Variants in POLD4 observed in about 807,000 individuals in gnomAD.
POLD4 encodes the protein DNA polymerase delta subunit 4.
Under a neutral mutation model 16.5 loss-of-function variants are expected in POLD4, and 9 were observed. The ratio of observed to expected loss-of-function variants is 0.55; its 90% CI spans 0.33 to 0.95. The LOEUF (loss-of-function observed/expected upper bound fraction) is 0.95, where lower values mean the gene tolerates loss of function less well. POLD4 is among the 40% of genes least tolerant of loss of function. POLD4 has a pLI of 0.03. For missense variants in POLD4, 129 were observed against 139.7 expected, an observed-to-expected ratio of 0.92 and a Z score of 0.39; for synonymous variants, 62 against 57.6, an observed-to-expected ratio of 1.08 and a Z score of -0.35.
chr11:67,352,900 C>T, intron 2 of POLD4, 88 bp downstream of exon 2: 2 of 1,383,516 alleles, frequency 1.4e-6, no homozygotes, highest in Non-Finnish European at 2.0e-6. Flanking sequence ...TCCTGAGGGT[C>T]AGAGTCACGC....
In POLD4 at chr11:67,353,535, A is replaced by G. The variant is rs1404119907; in HGVS notation, c.-136T>C. 1.1e-5 allele frequency: 8 copies of G among 706,554 alleles called. No individual in the cohort carries two copies. The highest frequency in any genetic ancestry group is 1.8e-5 in the Non-Finnish European group (8 of 436,890). The allele number at this position is 706,554 out of a possible 1,614,324, so 43.8% of individuals were successfully genotyped here. ...GGCGGGCAGACAAGATGACCCAGAC[A>G]AACCGAGAGAGGAAGTCGCCGGGGT... On this transcript the variant is annotated 5_prime_UTR_variant, in exon 1 of 4. Transcript: ENST00000312419.
In POLD4 at chr11:67,353,131, A is replaced by G. The variant is rs1590906452; in HGVS notation, c.98-54T>C. The G allele has an allele frequency of 4.6e-6, 7 of 1,528,126 alleles. No homozygotes were observed. In the South Asian group the frequency reaches 8.2e-5, roughly 18 times the overall value. The allele number at this position is 1,528,126 out of a possible 1,614,324, so 94.7% of individuals were successfully genotyped here. On this transcript the variant is annotated intron_variant, in intron 1 of 3. Transcript: ENST00000312419. ...GGTTGGCTTCAGTCTCCTGCCCCTC[A>G]CCTCCCAGCCTTCCTCACCACCGCT...
At position 67,351,871 on chromosome 11, in the gene POLD4, C is replaced by T; in HGVS notation, c.*124G>A. 1 of 1,064,592 alleles carries T rather than the reference C, an allele frequency of 9.4e-7. No homozygotes were observed. Among genetic ancestry groups the T allele is most frequent in the Non-Finnish European group, 1.4e-6 (1 of 718,020 alleles). 65.9% of individuals were successfully genotyped at this position (1,064,592 alleles called of 1,614,324 possible). A position where few individuals can be genotyped will look rare whatever the true frequency, so the allele number is the denominator to read the frequency against. On this transcript the variant is annotated 3_prime_UTR_variant, in exon 4 of 4. Coordinates refer to ENST00000312419, the MANE Select transcript of POLD4 (RefSeq NM_021173.5). The surrounding 1 kb of genome is among the most constrained non-coding windows in gnomAD (Gnocchi z 4.8). ...GTTGAGCCTCTGACACCTCCAGGTT[C>T]TGCCTGCCAAGGGTTCCTCCGCAGC...
In POLD4 at chr11:67,353,477, G is replaced by A. The variant is rs904000947; in HGVS notation, c.-78C>T. On this transcript the variant is annotated 5_prime_UTR_variant, in exon 1 of 4. Transcript: ENST00000312419. ...CCGGCCAGTGGGCGCGAGAAAGACA[G>A]CTGCTGAGAGAGACAGACGGGGCCA... The A allele has an allele frequency of 1.6e-6, 2 of 1,276,304 alleles. No individual in the cohort carries two copies. Among genetic ancestry groups the A allele is most frequent in the Non-Finnish European group, 2.2e-6 (2 of 905,650 alleles). 79.1% of individuals were successfully genotyped at this position (1,276,304 alleles called of 1,614,324 possible).
At chr11:67,352,041 G>A (rs1228048230) in intron 3 of POLD4, 22 bp from the exon 4 acceptor site, 2 of 1,197,668 alleles carry the variant, frequency 1.7e-6, no homozygotes, top group Non-Finnish European at 2.4e-6. Context: ...GGGGTGGGAG[G>A]GAGGGATACC....
chr11:67,351,896 C>G lies in POLD4; in HGVS notation c.*99G>C. ...CTGCCTGCCAAGGGTTCCTCCGCAG[C>G]CGGGCTGAGCTGAGCAGGAGCAATG... On this transcript the variant is annotated 3_prime_UTR_variant, in exon 4 of 4. Transcript: ENST00000312419. This position sits in a 1 kb window ranked among gnomAD's most constrained non-coding sequence, Gnocchi z 4.8. The G allele has an allele frequency of 7.4e-7, 1 of 1,350,822 alleles. No individual in the cohort carries two copies. 83.7% of individuals were successfully genotyped at this position (1,350,822 alleles called of 1,614,324 possible).
chr11:67,352,066 AG>A, intron 3 of POLD4, 47 bp from the exon 4 acceptor site: 1 of 1,393,248 alleles, frequency 7.2e-7, no homozygotes, highest in Non-Finnish European at 1.0e-6. Flanking sequence ...AGAGAGAGAG[AG>A]AGAAACAGAG....
chr11:67,353,188 G>T, intron 1 of POLD4, 111 bp from the exon 2 acceptor site: 1 of 1,501,510 alleles, frequency 6.7e-7, no homozygotes, highest in Non-Finnish European at 9.1e-7. Context: ...TAGACCTGGT[G>T]TCGGGAGGGG....
At chr11:67,353,272 ACTC>A (rs779594503) in intron 1 of POLD4, 28 bp downstream of exon 1, 5 of 1,592,048 alleles carry the variant, frequency 3.1e-6, no homozygotes, top group Non-Finnish European at 2.6e-6. Flanking sequence ...CTCCGTGTCC[ACTC>A]CTCCTGCCTC....
At chr11:67,352,937 G>C in intron 2 of POLD4, 51 bp downstream of exon 2, 1 of 1,482,470 alleles carries the variant, frequency 6.7e-7, no homozygotes, top group Non-Finnish European at 9.1e-7. Context: ...TCAGAGACGT[G>C]TGGGTGACTG....
At position 67,352,971 on chromosome 11, in the gene POLD4, G is replaced by T; in HGVS notation, c.187+17C>A. ...TGGCTGGGAGAGGCGCCTCCGTGGG[G>T]CTGGGTGGGTTCTCACCGGTGCAGG... On this transcript the variant is annotated intron_variant, in intron 2 of 3. Coordinates refer to ENST00000312419, the MANE Select transcript of POLD4 (RefSeq NM_021173.5). The T allele has an allele frequency of 6.5e-7, 1 of 1,540,464 alleles. No homozygotes were observed. The highest frequency in any genetic ancestry group is 1.2e-5 in the South Asian group (1 of 82,756).
Sources: gnomAD v4.1 joint callset for allele counts on GRCh38, gnomAD v4.1.1 for gene constraint, Gnocchi (gnomAD v3.1) non-coding constraint, MANE v1.5 for transcripts, NCBI Gene and HGNC (gene_info 2026-07-23, HGNC 2026-07-21) for gene names.